Variants in ZNF726 observed in about 807,000 individuals in gnomAD.
The protein encoded by ZNF726 is zinc finger protein 92 pseudogene 3.
Under a neutral mutation model 11.6 loss-of-function variants are expected in ZNF726, and 15 were observed. That is an observed-to-expected ratio of 1.29 (90% CI 0.86 to 1.99). The LOEUF is 1.99. ZNF726 is among the 30% of genes most tolerant of loss of function. ZNF726 has a pLI of 0.00. For missense variants in ZNF726, 890 were observed against 725.6 expected, an observed-to-expected ratio of 1.23 and a Z score of -2.60; for synonymous variants, 295 against 243.6, an observed-to-expected ratio of 1.21 and a Z score of -1.96.
At chr19:23,943,565 C>T (rs1453691054) in exon 4 of ZNF726, 2 of 669,486 alleles carry the variant, frequency 3.0e-6, no homozygotes, top group Admixed American at 2.0e-5. Context: ...TGTGAAGAGA[C>T]ATGAGACAGT....
chr19:23,941,406 T>A (rs576696099), intron 3 of ZNF726, among the ~76,000 whole-genome samples: 2 of 152,308 alleles, frequency 1.3e-5, no homozygotes, highest in East Asian at 3.9e-4. Context: ...AATTTTAGCA[T>A]CAATGTTTGT....
Position 23,919,370 on chromosome 19 carries a change from C to A in ZNF726, c.4-3C>A, listed in dbSNP as rs956413302. 1 of 1,603,844 alleles carries A rather than the reference C, an allele frequency of 6.2e-7. No individual in the cohort carries two copies. Among genetic ancestry groups the A allele is most frequent in the Admixed American group, 1.7e-5 (1 of 59,678 alleles). ...AATATGTGTGTTTGTGTGTATTTTC[C>A]AGGGACTGTTGACATTTAGGGATGT... On this transcript the variant is annotated splice_region_variant and splice_polypyrimidine_tract_variant and intron_variant, in intron 1 of 3. Coordinates refer to ENST00000594466, the MANE Select transcript of ZNF726 (RefSeq NM_001244038.2).
At chr19:23,922,072 T>C (rs897875666) in intron 3 of ZNF726, among the ~76,000 whole-genome samples, 36 of 152,022 alleles carry the variant, frequency 2.4e-4, no homozygotes, top group African/African-American at 8.7e-4. Flanking sequence ...TGAAGAGGGG[T>C]TGTAGCTTGG....
At chr19:23,942,699 T>TA (rs1353069998) in intron 3 of ZNF726, among the ~76,000 whole-genome samples, 1 of 152,196 alleles carries the variant, frequency 6.6e-6, no homozygotes, top group Non-Finnish European at 1.5e-5. Context: ...TCAGGCCACT[T>TA]ACGATTATAT....
Position 23,933,287 on chromosome 19 carries a change from C to G in ZNF726, c.1171C>G (p.His391Asp). The part of the protein sequence containing the change: ...PSTLTKHKRI[H>D]TGEKPYKCEE... ...AACCCTAACTAAACATAAGAGGATT[C>G]ACACTGGAGAGAAACCCTACAAATG... Residue 391 changes from histidine to aspartate, a missense_variant, in exon 4 of 4, where the codon CAC becomes GAC. By Grantham distance (81) the His-to-Asp change is moderately conservative. Coordinates refer to ENST00000594466, the MANE Select transcript of ZNF726 (RefSeq NM_001244038.2). 3 of 1,613,030 alleles carry G rather than the reference C, an allele frequency of 1.9e-6. No homozygotes were observed. The highest frequency in any genetic ancestry group is 1.7e-6 in the Non-Finnish European group (2 of 1,179,944).
At chr19:23,918,695 G>A (rs923692869) in intron 1 of ZNF726, among the ~76,000 whole-genome samples, 2 of 151,864 alleles carry the variant, frequency 1.3e-5, no homozygotes, top group African/African-American at 4.8e-5. Context: ...TGCAGCTGAT[G>A]TGCATAAACC....
chr19:23,938,887 G>A (rs1318107785), downstream of ZNF726, among the ~76,000 whole-genome samples: 1 of 152,078 alleles, frequency 6.6e-6, no homozygotes, highest in African/African-American at 2.4e-5. Context: ...GATTACAGGT[G>A]TGAGCCACCG....
intron 2 of ZNF726, 59 bp downstream of exon 2, chr19:23,919,558 G>T: frequency 6.7e-7 from 1 of 1,500,922 alleles, no homozygotes; most frequent in Non-Finnish European, 8.9e-7. Flanking sequence ...TTTTTCTTTT[G>T]TAGTATGTTT....
intron 3 of ZNF726, chr19:23,927,774 A>T (rs1490701921): frequency 6.6e-6 from 1 of 152,194 alleles, no homozygotes; most frequent in African/African-American, 2.4e-5. Context: ...GAGCTACACC[A>T]CCCAGCTGGC....
At chr19:23,937,264 C>T (rs1346314185), downstream of ZNF726, among the ~76,000 whole-genome samples, 9 of 150,566 alleles carry the variant, frequency 6.0e-5, no homozygotes, top group South Asian at 4.2e-4. Flanking sequence ...CCAGCCGGGG[C>T]GGCTGGCCGG....
intron 3 of ZNF726, chr19:23,920,899 G>T: frequency 6.6e-6 from 1 of 151,926 alleles, no homozygotes; most frequent in South Asian, 1.9e-4. Flanking sequence ...AGAGTACACT[G>T]AGCAAAGGAG....
downstream of ZNF726, among the ~76,000 whole-genome samples, chr19:23,939,441 T>A (rs931144217): frequency 1.3e-5 from 2 of 152,208 alleles, no homozygotes; most frequent in African/African-American, 4.8e-5. Flanking sequence ...TGTTCAAGTT[T>A]CTTTTTCAAA....
downstream of ZNF726, among the ~76,000 whole-genome samples, chr19:23,939,439 T>A (rs1968301578): frequency 6.6e-6 from 1 of 152,178 alleles, no homozygotes; most frequent in African/African-American, 2.4e-5. Context: ...GATGTTCAAG[T>A]TTCTTTTTCA....
intron 1 of ZNF726, 126 bp downstream of exon 1, chr19:23,915,123 C>A: frequency 1.4e-6 from 2 of 1,442,018 alleles, no homozygotes; most frequent in Non-Finnish European, 1.9e-6. Context: ...AGTTGTTGCC[C>A]AGCTCGGCCT....
chr19:23,943,739 G>A (rs1318202875), intron 4 of ZNF726: 4 of 445,184 alleles, frequency 9.0e-6, no homozygotes, highest in East Asian at 6.1e-5. Flanking sequence ...TGAAGTAGGA[G>A]CATTTTTGTC....
At chr19:23,921,549 C>A (rs764131914) in intron 3 of ZNF726, 8 of 151,920 alleles carry the variant, frequency 5.3e-5, no homozygotes, top group Non-Finnish European at 1.2e-4. Context: ...TTATTTGTGT[C>A]CTCTCTAATT....
At position 23,933,052 on chromosome 19, in the gene ZNF726, C is replaced by G; in HGVS notation, c.936C>G (p.Pro312=). 6.2e-7 allele frequency: 1 copy of G among 1,613,422 alleles called. No homozygotes were observed. Among genetic ancestry groups the G allele is most frequent in the Non-Finnish European group, 8.5e-7 (1 of 1,179,910 alleles). The change falls in exon 4 of 4, where the codon CCC becomes CCG. Residue 312 remains proline, a synonymous_variant. Coordinates refer to ENST00000594466, the MANE Select transcript of ZNF726 (RefSeq NM_001244038.2). ...IHKRMHIGEK[P]YKCEECGKAF... is the part of the protein sequence containing the mutation. ...AGAGGATGCACATTGGAGAGAAACC[C>G]TACAAATGTGAAGAATGTGGCAAAG...
downstream of ZNF726, among the ~76,000 whole-genome samples, chr19:23,938,642 C>G (rs1968287679): frequency 8.0e-6 from 1 of 124,366 alleles, no homozygotes; most frequent in South Asian, 2.5e-4. Context: ...GAGTCTTGCT[C>G]TGTTGCCCAG....
intron 2 of ZNF726, chr19:23,919,774 A>G (rs1967796574): frequency 2.2e-6 from 1 of 456,102 alleles, no homozygotes; most frequent in African/African-American, 2.1e-5. Flanking sequence ...TCCAAGTGCC[A>G]TTACCAATTT....
Sources: allele counts gnomAD v4.1 joint callset (sites outside exome capture counted in the v4.1 genomes callset), GRCh38; gene constraint gnomAD v4.1.1; transcripts MANE v1.5; gene names NCBI Gene and HGNC (gene_info 2026-07-23, HGNC 2026-07-21).